FANCB: variants seen among roughly 807,000 people sequenced by gnomAD.
FANCB encodes the protein FA complementation group B.
In FANCB, 5 loss-of-function variants were observed where a neutral mutation model predicts 38.9. The observed-to-expected ratio is 0.13, with a 90% CI of 0.07 to 0.27. The LOEUF (loss-of-function observed/expected upper bound fraction) is 0.27, where lower values mean the gene tolerates loss of function less well. Among genes scored for constraint, FANCB ranks in the 10% least tolerant of loss-of-function variants. FANCB has a pLI of 1.00. For missense variants in FANCB, 573 were observed against 602.7 expected (o/e 0.95, Z 0.52); for synonymous variants, 236 against 215.4 (o/e 1.10, Z -0.84).
the FANCB span, among the ~76,000 whole-genome samples, chrX:14,785,141 G>A: frequency 8.9e-6 from 1 of 111,812 alleles, no homozygotes; most frequent in African/African-American, 3.2e-5. Context: ...TAACAAACCT[G>A]TGCATCCTGC....
the FANCB span, among the ~76,000 whole-genome samples, chrX:14,742,512 C>CAATTGCA: frequency 1.8e-5 from 2 of 111,776 alleles, no homozygotes; most frequent in Admixed American, 1.9e-4. Flanking sequence ...ATACCTTGTA[C>CAATTGCA]AATTGCAGGT....
Position 14,844,404 on chromosome X carries a change from C to T in FANCB, c.2165+99G>A, listed in dbSNP as rs2092366664. 5 of 627,335 alleles carry T rather than the reference C, an allele frequency of 8.0e-6. No homozygotes were observed. The South Asian group carries it at 1.1e-4, about 14-fold the overall frequency. 51.7% of individuals were successfully genotyped at this position (627,335 alleles called of 1,213,427 possible). A position where few individuals can be genotyped will look rare whatever the true frequency, so the allele number is the denominator to read the frequency against. Reference sequence around the variant, plus strand: ...CCATGGCTCTGTATTATTGCCATGGCAATAATACAAAACACATGCGGATCG... The same window carrying T: ...CCATGGCTCTGTATTATTGCCATGGTAATAATACAAAACACATGCGGATCG... On this transcript the variant is annotated intron_variant, in intron 9 of 9. Coordinates refer to ENST00000650831, the MANE Select transcript of FANCB (RefSeq NM_001018113.3).
At chrX:14,872,135 G>A (rs750562453) in intron 1 of FANCB, among the ~76,000 whole-genome samples, 5 of 112,006 alleles carry the variant, frequency 4.5e-5, no homozygotes, top group Non-Finnish European at 9.4e-5. Flanking sequence ...AGAGGTAGAA[G>A]GAGACTTTAG....
downstream of FANCB, among the ~76,000 whole-genome samples, chrX:14,832,690 AAAG>A (rs1361279392): frequency 8.9e-6 from 1 of 111,899 alleles, no homozygotes; most frequent in African/African-American, 3.3e-5. Flanking sequence ...TTCCTTTGGA[AAAG>A]AAGGTTCCTC....
intron 1 of FANCB, among the ~76,000 whole-genome samples, chrX:14,871,260 A>T (rs1435140831): frequency 8.9e-6 from 1 of 111,814 alleles, no homozygotes; most frequent in Non-Finnish European, 1.9e-5. Context: ...AACAGAAATC[A>T]CAGGACTGTA....
chrX:14,853,310 AG>A, intron 5 of FANCB, 143 bp from the exon 6 acceptor site: 1 of 501,169 alleles, frequency 2.0e-6, no homozygotes, highest in Non-Finnish European at 3.2e-6. Context: ...AGAGCAAAAC[AG>A]TTTTGTTTAT....
At chrX:14,759,222 T>C in the FANCB span, among the ~76,000 whole-genome samples, 1 of 111,830 alleles carries the variant, frequency 8.9e-6, no homozygotes, top group Admixed American at 9.5e-5. Flanking sequence ...TTTAGGATTA[T>C]GTTAAATGAC....
chrX:14,727,513 A>ACAAGT, the FANCB span, among the ~76,000 whole-genome samples: 3 of 112,054 alleles, frequency 2.7e-5, no homozygotes, highest in Non-Finnish European at 5.6e-5. Context: ...ACTGCCTATA[A>ACAAGT]CAAGTCCCCT....
chrX:14,845,202 C>A lies in FANCB; in HGVS notation c.1581G>T (p.Val527=), dbSNP rs758665871. Residue 527 remains valine, a synonymous_variant, in exon 8 of 10, where the codon GTG becomes GTT. Transcript: ENST00000650831. ...GGAAAGGATTTGTACTCAACTTAAT[C>A]ACCCTATTTTGACACTTTAGAAGCC... ...RFRLLKCQNR[V]IKLSTNPFPA... 12 of 1,207,431 alleles carry A rather than the reference C, an allele frequency of 9.9e-6. No individual in the cohort carries two copies. In the South Asian group the frequency reaches 2.1e-4, roughly 21 times the overall value.
Position 14,857,947 on chromosome X carries a change from G to C in FANCB, c.1112C>G (p.Pro371Arg). 8.9e-7 allele frequency: 1 copy of C among 1,119,389 alleles called. No homozygotes were observed. The allele number at this position is 1,119,389 out of a possible 1,213,427, so 92.3% of individuals were successfully genotyped here. A position where few individuals can be genotyped will look rare whatever the true frequency, so the allele number is the denominator to read the frequency against. Residue 371 changes from proline (P) to arginine (R), a missense_variant, in exon 5 of 10, where the codon CCA (proline) becomes CGA (arginine). Physicochemically the swap from Pro to Arg is moderately radical, Grantham distance 103 (BLOSUM62 -2). Coordinates refer to ENST00000650831, the MANE Select transcript of FANCB (RefSeq NM_001018113.3). ...TAAGTCATCTTCATTGCAATCTGAT[G>C]GTTCACTCTAATAAATAAATAAATA... The part of the protein sequence containing the change: ...DLGKINYSSE[P>R]SDCNEDDLFE...
the FANCB span, among the ~76,000 whole-genome samples, chrX:14,820,908 A>G: frequency 8.9e-6 from 1 of 111,819 alleles, no homozygotes; most frequent in Non-Finnish European, 1.9e-5. Context: ...CAAATTTAAA[A>G]GCTTTTTAAA....
chrX:14,821,292 C>T, the FANCB span, among the ~76,000 whole-genome samples: 20 of 111,749 alleles, frequency 1.8e-4, no homozygotes, highest in African/African-American at 6.5e-4. Flanking sequence ...AGTTGAAACA[C>T]ACTATAATTG....
At chrX:14,791,753 A>T in the FANCB span, among the ~76,000 whole-genome samples, 4 of 112,263 alleles carry the variant, frequency 3.6e-5, no homozygotes, top group African/African-American at 1.3e-4. Flanking sequence ...ATACAAATGC[A>T]ATGGCTAGAA....
the FANCB span, among the ~76,000 whole-genome samples, chrX:14,786,179 G>A: frequency 1.2e-4 from 13 of 111,200 alleles, no homozygotes; most frequent in African/African-American, 4.3e-4. Context: ...GAAATCAGGT[G>A]TGATGCACCA....
At chrX:14,724,519 G>A in the FANCB span, among the ~76,000 whole-genome samples, 7 of 106,472 alleles carry the variant, frequency 6.6e-5, no homozygotes, top group Admixed American at 2.1e-4. Context: ...CCAGCTACTC[G>A]GGAGGCTGAA....
chrX:14,803,984 AT>A, the FANCB span, among the ~76,000 whole-genome samples: 1 of 111,556 alleles, frequency 9.0e-6, no homozygotes, highest in Non-Finnish European at 1.9e-5. Flanking sequence ...TCAGGAAACA[AT>A]AGGTGCTGGA....
the FANCB span, among the ~76,000 whole-genome samples, chrX:14,742,423 T>A: frequency 3.6e-5 from 4 of 111,253 alleles, no homozygotes; most frequent in Non-Finnish European, 7.6e-5. Context: ...AAATTATCCC[T>A]CTGTCTTTGG....
chrX:14,857,807 T>C (rs2092429159), intron 5 of FANCB, 55 bp downstream of exon 5: 2 of 817,249 alleles, frequency 2.4e-6, no homozygotes, highest in Non-Finnish European at 3.7e-6. Flanking sequence ...CAATGTTCTT[T>C]CCTTCATTTA....
chrX:14,746,449 TA>T, the FANCB span, among the ~76,000 whole-genome samples: 2 of 112,406 alleles, frequency 1.8e-5, no homozygotes, highest in Non-Finnish European at 3.8e-5. Flanking sequence ...AATGAAAGGA[TA>T]AATGTAATTA....
Sources: allele counts gnomAD v4.1 joint callset (sites outside exome capture counted in the v4.1 genomes callset), GRCh38; gene constraint gnomAD v4.1.1; transcripts MANE v1.5; gene names NCBI Gene and HGNC (gene_info 2026-07-23, HGNC 2026-07-21).